Variants in LIMK1 observed in about 807,000 individuals in gnomAD.
LIMK1 encodes the protein LIM domain kinase 1.
Under a neutral mutation model 77.6 loss-of-function variants are expected in LIMK1, and 21 were observed. The observed-to-expected ratio is 0.27, with a 90% CI of 0.19 to 0.39. The LOEUF is 0.39. LIMK1 is among the 10% of genes least tolerant of loss of function. The probability of loss-of-function intolerance (pLI) is 1.00; values close to 1 mark genes in which losing one functional copy is unlikely to be tolerated. For missense variants in LIMK1, 696 were observed against 901.6 expected (o/e 0.77, Z 2.92); for synonymous variants, 358 against 370.0 (o/e 0.97, Z 0.37).
At chr7:74,097,390 A>T (rs1799357529) in intron 4 of LIMK1, among the ~76,000 whole-genome samples, 1 of 152,230 alleles carries the variant, frequency 6.6e-6, no homozygotes, top group Admixed American at 6.5e-5. Flanking sequence ...AAAAAGCCTC[A>T]GACGGCCAGG....
intron 5 of LIMK1, among the ~76,000 whole-genome samples, chr7:74,103,852 T>C (rs1437479175): frequency 6.6e-6 from 1 of 151,860 alleles, no homozygotes; most frequent in Non-Finnish European, 1.5e-5. Flanking sequence ...TGGAGTGCAG[T>C]GACATGATCA....
At chr7:74,120,699 C>G (rs1352386743) in intron 14 of LIMK1, 61 bp downstream of exon 14, 22 of 1,592,300 alleles carry the variant, frequency 1.4e-5, no homozygotes, top group Non-Finnish European at 1.7e-5. Context: ...CTCACCCAGG[C>G]TGCAGGCTCA....
intron 7 of LIMK1, 137 bp from the exon 8 acceptor site, chr7:74,106,873 G>T (rs1799584779): frequency 1.2e-6 from 1 of 850,410 alleles, no homozygotes; most frequent in Non-Finnish European, 1.8e-6. Flanking sequence ...ACTGTCCCAG[G>T]CGGGCCCTCC....
intron 1 of LIMK1, among the ~76,000 whole-genome samples, chr7:74,084,785 G>A (rs551400897): frequency 5.3e-5 from 8 of 152,246 alleles, no homozygotes; most frequent in African/African-American, 1.9e-4. Context: ...CCTAGGACAG[G>A]GTCTGGGGGC....
At position 74,121,441 on chromosome 7, in the gene LIMK1, A is replaced by C; in HGVS notation, c.*140A>C. On this transcript the variant is annotated 3_prime_UTR_variant, in exon 16 of 16. Coordinates refer to ENST00000336180, the MANE Select transcript of LIMK1 (RefSeq NM_002314.4). ...GCCAGGCCCTGACTTGCCTTCTCCC[A>C]CCCCGTGGACCGCTTCCCCTGCCTT... is the stretch of plus-strand genomic sequence containing the variant. 1 of 820,274 alleles carries C rather than the reference A, an allele frequency of 1.2e-6. No individual in the cohort carries two copies. Among genetic ancestry groups the C allele is most frequent in the Non-Finnish European group, 1.8e-6 (1 of 544,662 alleles). 50.8% of individuals were successfully genotyped at this position (820,274 alleles called of 1,614,324 possible).
chr7:74,092,757 G>A (rs1165308477), intron 2 of LIMK1, among the ~76,000 whole-genome samples: 1 of 152,196 alleles, frequency 6.6e-6, no homozygotes. Flanking sequence ...TTGGAGCAGC[G>A]GCGGGATGCA....
In LIMK1 at chr7:74,115,913, A is replaced by G; in HGVS notation, c.1522A>G (p.Thr508Ala). ...LKKPDRKKRY[T>A]VVGNPYWMAP... is the part of the protein sequence containing the mutation. Reference sequence around the variant, plus strand: ...GAAGCCAGACCGCAAGAAGCGCTACACCGTGGTGGGCAACCCCTACTGGAT... The same window carrying G: ...GAAGCCAGACCGCAAGAAGCGCTACGCCGTGGTGGGCAACCCCTACTGGAT... Residue 508 changes from threonine to alanine, a missense_variant, in exon 13 of 16, where the codon ACC becomes GCC. By Grantham distance (58) the Thr-to-Ala change is moderately conservative. Around this residue, in one of 3 missense-constraint regions of LIMK1, gnomAD observed 438 missense variants for 602.3 expected, o/e 0.73. Transcript: ENST00000336180. 6.2e-7 allele frequency: 1 copy of G among 1,614,180 alleles called. No individual in the cohort carries two copies. The highest frequency in any genetic ancestry group is 8.5e-7 in the Non-Finnish European group (1 of 1,180,010).
intron 7 of LIMK1, among the ~76,000 whole-genome samples, chr7:74,106,715 A>C (rs953217279): frequency 1.3e-5 from 2 of 152,254 alleles, no homozygotes; most frequent in Admixed American, 6.5e-5. Flanking sequence ...AGCCAAGGTC[A>C]CGCCACTATA....
At chr7:74,087,204 A>G (rs200276209) in intron 2 of LIMK1, among the ~76,000 whole-genome samples, 1 of 152,058 alleles carries the variant, frequency 6.6e-6, no homozygotes, top group South Asian at 2.1e-4. Context: ...GGAGTTCGAG[A>G]CAAGCCTGGG....
At position 74,115,961 on chromosome 7, in the gene LIMK1, G is replaced by T; in HGVS notation, c.1567+3G>T. The T allele has an allele frequency of 1.2e-6, 2 of 1,613,564 alleles. No homozygotes were observed. The highest frequency in any genetic ancestry group is 1.7e-6 in the Non-Finnish European group (2 of 1,179,520). ...GATGGCACCTGAGATGATCAACGGT[G>T]AGTGGTTCAGCCCTGCCCATCATGG... On this transcript the variant is annotated splice_donor_region_variant and intron_variant, in intron 13 of 15. Transcript: ENST00000336180.
At chr7:74,096,848 T>G in intron 3 of LIMK1, 88 bp downstream of exon 3, 4 of 1,466,882 alleles carry the variant, frequency 2.7e-6, no homozygotes, top group Non-Finnish European at 3.7e-6. Context: ...TCATTGTCTC[T>G]CCTGGTCTCC....
At position 74,095,093 on chromosome 7, in the gene LIMK1, A is replaced by C. The variant is rs572471749; in HGVS notation, c.153-1529A>C. ...CTAGTTACAGTTAATTAGCATTAGC[A>C]GACAGCCCATGAGTGATACCCATGC... On this transcript the variant is annotated intron_variant, in intron 2 of 15. Coordinates refer to ENST00000336180, the MANE Select transcript of LIMK1 (RefSeq NM_002314.4). 2.6e-5 allele frequency among the ~76,000 whole-genome samples: 4 copies of C among 152,294 alleles called. No homozygotes were observed. The East Asian group carries it at 7.7e-4, about 29-fold the overall frequency.
At chr7:74,089,077 C>T (rs991463853) in intron 2 of LIMK1, among the ~76,000 whole-genome samples, 12 of 152,212 alleles carry the variant, frequency 7.9e-5, no homozygotes, top group African/African-American at 2.9e-4. Context: ...TTTGTTAAAT[C>T]TTCATCATAA....
At chr7:74,118,906 G>A (rs1374666145) in intron 13 of LIMK1, among the ~76,000 whole-genome samples, 2 of 151,112 alleles carry the variant, frequency 1.3e-5, no homozygotes, top group Non-Finnish European at 2.9e-5. Context: ...TTTGTTTTTT[G>A]TTTTTTCTGA....
At chr7:74,096,813 C>A in intron 3 of LIMK1, 53 bp downstream of exon 3, 1 of 1,532,770 alleles carries the variant, frequency 6.5e-7, no homozygotes. Flanking sequence ...TCCAAGCAGA[C>A]CCCATGCTCC....
chr7:74,107,804 T>C, intron 8 of LIMK1, 67 bp from the exon 9 acceptor site: 3 of 1,280,536 alleles, frequency 2.3e-6, no homozygotes, highest in Non-Finnish European at 3.3e-6. Flanking sequence ...GGGGTGGAGA[T>C]GGGGCTTCCT....
intron 8 of LIMK1, among the ~76,000 whole-genome samples, 167 bp from the exon 9 acceptor site, chr7:74,107,704 G>A (rs1799606158): frequency 6.6e-6 from 1 of 150,754 alleles, no homozygotes; most frequent in African/African-American, 2.4e-5. Flanking sequence ...AAAGACAAGG[G>A]ATTAATACAT....
At chr7:74,106,763 A>T (rs560071531) in intron 7 of LIMK1, among the ~76,000 whole-genome samples, 1 of 152,284 alleles carries the variant, frequency 6.6e-6, no homozygotes, top group East Asian at 1.9e-4. Context: ...CTGTCTCAAA[A>T]AAAAAGAGGA....
chr7:74,097,810 A>G (rs1395556744), intron 4 of LIMK1, among the ~76,000 whole-genome samples: 3 of 152,042 alleles, frequency 2.0e-5, no homozygotes, highest in Admixed American at 6.6e-5. Context: ...CTCTTTAGAC[A>G]CCAGCCACAA....
Sources: allele counts gnomAD v4.1 joint callset (sites outside exome capture counted in the v4.1 genomes callset), GRCh38; gene constraint gnomAD v4.1.1; regional missense constraint gnomAD v4.1.1; transcripts MANE v1.5; gene names NCBI Gene and HGNC (gene_info 2026-07-23, HGNC 2026-07-21).